The following KIAA1958 variants were observed in gnomAD, a reference collection of about 807,000 sequenced individuals.
KIAA1958 encodes the protein uncharacterized protein KIAA1958.
A neutral mutation model predicts 47.2 loss-of-function variants in KIAA1958; 14 were observed. The ratio of observed to expected loss-of-function variants is 0.30; its 90% CI spans 0.20 to 0.46. KIAA1958 has a LOEUF of 0.46. Among genes scored for constraint, KIAA1958 ranks in the 20% least tolerant of loss-of-function variants. The pLI is 1.00. For synonymous variants in KIAA1958, 354 were observed against 353.3 expected, an observed-to-expected ratio of 1.00 and a Z score of -0.02; for missense variants, 803 against 909.2, an observed-to-expected ratio of 0.88 and a Z score of 1.50.
chr9:112,571,769 G>T (rs918207967), intron 1 of KIAA1958, among the ~76,000 whole-genome samples: 2 of 147,410 alleles, frequency 1.4e-5, no homozygotes, highest in Non-Finnish European at 3.0e-5. Context: ...GCAACCTAGG[G>T]ACACCCCTAG....
rs1837260273 is a variant in KIAA1958 at position 112,660,530 on chromosome 9, C to G, written c.*461C>G. Reference sequence around the variant, plus strand: ...GAAACTAGAGAGAGGCAGACACGTTCCCTATTTCCAGGAGACAGATTGCGC... The same window carrying G: ...GAAACTAGAGAGAGGCAGACACGTTGCCTATTTCCAGGAGACAGATTGCGC... On this transcript the variant is annotated 3_prime_UTR_variant, in exon 4 of 4. Coordinates refer to ENST00000337530, the MANE Select transcript of KIAA1958 (RefSeq NM_133465.4). 6.2e-6 allele frequency: 1 copy of G among 160,390 alleles called. No individual in the cohort carries two copies. The allele number at this position is 160,390 out of a possible 1,614,324, so 9.9% of individuals were successfully genotyped here.
chr9:112,509,945 G>T (rs1834295365), intron 1 of KIAA1958, among the ~76,000 whole-genome samples: 1 of 152,210 alleles, frequency 6.6e-6, no homozygotes, highest in Admixed American at 6.5e-5. Context: ...AACAGAGGTG[G>T]TTTGTGTGTG....
intron 2 of KIAA1958, among the ~76,000 whole-genome samples, chr9:112,621,133 A>G (rs1240174350): frequency 1.3e-5 from 2 of 152,180 alleles, no homozygotes; most frequent in Non-Finnish European, 1.5e-5. Flanking sequence ...CTGGGGACAC[A>G]GTGTCTTAAC....
intron 2 of KIAA1958, among the ~76,000 whole-genome samples, chr9:112,583,257 G>T (rs1383663740): frequency 1.3e-5 from 2 of 152,114 alleles, no homozygotes; most frequent in Non-Finnish European, 2.9e-5. Context: ...TCAGACTGGG[G>T]GAGCACAGAG....
At position 112,664,288 on chromosome 9, in the gene KIAA1958, T is replaced by C. The variant is rs1837322864; in HGVS notation, c.*4219T>C. 1 of 152,256 alleles carries C rather than the reference T, an allele frequency of 6.6e-6. No homozygotes were observed. 9.4% of individuals were successfully genotyped at this position (152,256 alleles called of 1,614,324 possible). ...TCTCGAAGCAGCAGAATATTGATCA[T>C]TTTTCTCAGTTTAGGCTAACACAGT... On this transcript the variant is annotated 3_prime_UTR_variant, in exon 4 of 4. Coordinates refer to ENST00000337530, the MANE Select transcript of KIAA1958 (RefSeq NM_133465.4).
intron 1 of KIAA1958, among the ~76,000 whole-genome samples, chr9:112,510,510 A>C (rs1038036904): frequency 2.6e-5 from 4 of 152,192 alleles, no homozygotes; most frequent in African/African-American, 9.6e-5. Flanking sequence ...CATCTTAAGA[A>C]ATCTCTGCTT....
rs1428805783 is a variant in KIAA1958 at position 112,667,460 on chromosome 9, C to T, written c.*7391C>T. Reference sequence around the variant, plus strand: ...GCATGGTAGCACATGCCTGTAATTCCAGCTACTCGGGAGGCTGAGGCGGGA... The same window carrying T: ...GCATGGTAGCACATGCCTGTAATTCTAGCTACTCGGGAGGCTGAGGCGGGA... On this transcript the variant is annotated 3_prime_UTR_variant, in exon 4 of 4. Transcript: ENST00000337530. 1 of 152,202 alleles carries T rather than the reference C, an allele frequency of 6.6e-6. No individual in the cohort carries two copies. Among genetic ancestry groups the T allele is most frequent in the Non-Finnish European group, 1.5e-5 (1 of 68,116 alleles). 9.4% of individuals were successfully genotyped at this position (152,202 alleles called of 1,614,324 possible). A position where few individuals can be genotyped will look rare whatever the true frequency, so the allele number is the denominator to read the frequency against.
At chr9:112,567,021 A>G (rs1161912712) in intron 1 of KIAA1958, among the ~76,000 whole-genome samples, 1 of 152,214 alleles carries the variant, frequency 6.6e-6, no homozygotes, top group African/African-American at 2.4e-5. Flanking sequence ...ACATTATGAC[A>G]TAGAATTAAG....
At chr9:112,527,364 G>A (rs1003259588) in intron 1 of KIAA1958, among the ~76,000 whole-genome samples, 2 of 152,124 alleles carry the variant, frequency 1.3e-5, no homozygotes, top group African/African-American at 4.8e-5. Context: ...TAGGCATGAG[G>A]AATGGCTCTA....
At chr9:112,573,849 A>T (rs1002869913) in intron 1 of KIAA1958, among the ~76,000 whole-genome samples, 6 of 152,092 alleles carry the variant, frequency 3.9e-5, no homozygotes, top group African/African-American at 1.2e-4. Context: ...TTTTCTCCAA[A>T]TCCCACAACC....
chr9:112,495,416 G>A (rs1027540455), intron 1 of KIAA1958, among the ~76,000 whole-genome samples: 7 of 152,034 alleles, frequency 4.6e-5, no homozygotes, highest in Non-Finnish European at 8.8e-5. Context: ...CTCCTTTGTT[G>A]CTTATCTGAA....
intron 1 of KIAA1958, among the ~76,000 whole-genome samples, chr9:112,504,049 T>G (rs1834192112): frequency 6.6e-6 from 1 of 152,078 alleles, no homozygotes; most frequent in Non-Finnish European, 1.5e-5. Context: ...ATCAAGTACT[T>G]TAGATCTTTC....
chr9:112,591,028 T>C (rs143294003), intron 2 of KIAA1958, among the ~76,000 whole-genome samples: 79 of 152,304 alleles, frequency 5.2e-4, no homozygotes, highest in African/African-American at 1.8e-3. Flanking sequence ...AGAAGGGCTG[T>C]AACTCATGAG....
At chr9:112,588,084 TTC>T (rs1006801957) in intron 2 of KIAA1958, among the ~76,000 whole-genome samples, 17 of 152,238 alleles carry the variant, frequency 1.1e-4, no homozygotes, top group African/African-American at 4.1e-4. Flanking sequence ...CATTCCACTG[TTC>T]TCTCCTCCCT....
chr9:112,624,967 A>G (rs150863210), intron 2 of KIAA1958, among the ~76,000 whole-genome samples: 1 of 152,256 alleles, frequency 6.6e-6, no homozygotes, highest in African/African-American at 2.4e-5. Context: ...GCAAGAAGAT[A>G]GAAATAGCCA....
intron 2 of KIAA1958, among the ~76,000 whole-genome samples, chr9:112,583,659 G>A (rs1306169185): frequency 1.3e-5 from 2 of 152,172 alleles, no homozygotes; most frequent in African/African-American, 4.8e-5. Flanking sequence ...CATTTATTGT[G>A]TATAAATCTT....
At chr9:112,543,831 C>T (rs1354515008) in intron 1 of KIAA1958, among the ~76,000 whole-genome samples, 2 of 152,060 alleles carry the variant, frequency 1.3e-5, no homozygotes, top group African/African-American at 2.4e-5. Context: ...CCTCGGCCTC[C>T]CACAGTTCTG....
intron 2 of KIAA1958, among the ~76,000 whole-genome samples, chr9:112,590,745 A>G (rs1835907180): frequency 1.3e-5 from 2 of 152,214 alleles, no homozygotes; most frequent in African/African-American, 4.8e-5. Context: ...CAACGTAATG[A>G]TGAAACATTG....
chr9:112,624,939 A>T (rs1313983455), intron 2 of KIAA1958, among the ~76,000 whole-genome samples: 1 of 152,144 alleles, frequency 6.6e-6, no homozygotes, highest in Non-Finnish European at 1.5e-5. Flanking sequence ...GTCCTCATGT[A>T]GGTAGGGAGT....
Sources: allele counts gnomAD v4.1 joint callset (sites outside exome capture counted in the v4.1 genomes callset), GRCh38; gene constraint gnomAD v4.1.1; transcripts MANE v1.5; gene names NCBI Gene and HGNC (gene_info 2026-07-23, HGNC 2026-07-21).